Variants in SASS6 observed in about 807,000 individuals in gnomAD.
The protein encoded by SASS6 is spindle assembly abnormal protein 6 homolog.
SASS6 carries 59 observed loss-of-function variants against 94.9 expected under a neutral mutation model. The ratio of observed to expected loss-of-function variants is 0.62; its 90% CI spans 0.50 to 0.77. SASS6 has a LOEUF of 0.77. SASS6 is among the 30% of genes least tolerant of loss of function. SASS6 has a pLI of 0.00. For missense variants in SASS6, 698 were observed against 734.1 expected, an observed-to-expected ratio of 0.95 and a Z score of 0.57; for synonymous variants, 264 against 270.0, an observed-to-expected ratio of 0.98 and a Z score of 0.22.
intron 7 of SASS6, among the ~76,000 whole-genome samples, chr1:100,113,891 G>C (rs980416481): frequency 6.6e-6 from 1 of 151,800 alleles, no homozygotes; most frequent in Admixed American, 6.6e-5. Context: ...ACATACAATG[G>C]CACACACCAG....
At chr1:100,091,693 G>C (rs1289946808) in intron 14 of SASS6, among the ~76,000 whole-genome samples, 2 of 144,894 alleles carry the variant, frequency 1.4e-5, no homozygotes, top group African/African-American at 5.1e-5. Context: ...AAAAACCGCT[G>C]AATGGGCTTG....
rs1480547428 is a variant in SASS6 at position 100,119,195 on chromosome 1, G to T, written c.550-58C>A. On this transcript the variant is annotated intron_variant, in intron 6 of 16. Coordinates refer to ENST00000287482, the MANE Select transcript of SASS6 (RefSeq NM_194292.3). The stretch of plus-strand genomic sequence containing the variant: ...AGGCTCCTTAATATGTAATAATTTT[G>T]ATTAGAATATAGCAATATTTACAAG... 1.4e-5 allele frequency: 13 copies of T among 952,390 alleles called. No homozygotes were observed. In the East Asian group the frequency reaches 3.7e-4, roughly 27 times the overall value. 59.0% of individuals were successfully genotyped at this position (952,390 alleles called of 1,614,324 possible).
rs777476715 is a variant in SASS6, at chr1:100,120,364, C to T, written c.549+30G>A. 3.4e-6 allele frequency: 4 copies of T among 1,192,448 alleles called. No individual in the cohort carries two copies. In the East Asian group the frequency reaches 7.0e-5, roughly 21 times the overall value. 73.9% of individuals were successfully genotyped at this position (1,192,448 alleles called of 1,614,324 possible). ...CAATTCAGTGCCAATGTCTGGATGACTTACAAAGACAAAATGAAATTTGAA... is the reference window on the plus strand; with the variant it reads ...CAATTCAGTGCCAATGTCTGGATGATTTACAAAGACAAAATGAAATTTGAA... On this transcript the variant is annotated intron_variant, in intron 6 of 16. Transcript: ENST00000287482.
At chr1:100,131,430 G>A (rs934271548) in intron 1 of SASS6, among the ~76,000 whole-genome samples, 2 of 152,038 alleles carry the variant, frequency 1.3e-5, no homozygotes, top group African/African-American at 4.8e-5. Context: ...ATAATACATT[G>A]TATTTAACCC....
rs917616147 is a variant in SASS6, at chr1:100,084,269, C to T, written c.*1059G>A. ...AGTTGAAAATAATTTTAAATTATCA[C>T]ATGAGCATTAGTACTTTATAAAAAT... On this transcript the variant is annotated 3_prime_UTR_variant, in exon 17 of 17. Coordinates refer to ENST00000287482, the MANE Select transcript of SASS6 (RefSeq NM_194292.3). The T allele has an allele frequency of 6.6e-6, 1 of 151,924 alleles. No homozygotes were observed. Among genetic ancestry groups the T allele is most frequent in the African/African-American group, 2.4e-5 (1 of 41,398 alleles). 9.4% of individuals were successfully genotyped at this position (151,924 alleles called of 1,614,324 possible).
chr1:100,125,369 T>G (rs1441505177), intron 2 of SASS6, among the ~76,000 whole-genome samples: 1 of 151,250 alleles, frequency 6.6e-6, no homozygotes, highest in Non-Finnish European at 1.5e-5. Context: ...CCCACAATTT[T>G]TCACGTATGT....
At chr1:100,112,098 A>G (rs889705352) in intron 7 of SASS6, among the ~76,000 whole-genome samples, 13 of 70,390 alleles carry the variant, frequency 1.8e-4, no homozygotes, top group African/African-American at 4.0e-4. Flanking sequence ...ATTCTGGAGG[A>G]AAAAAAATAA....
Position 100,109,826 on chromosome 1 carries a change from T to C in SASS6, c.861+466A>G, listed in dbSNP as rs148244908. Among the ~76,000 whole-genome samples, 146 of 152,146 alleles carry C rather than the reference T, an allele frequency of 9.6e-4. 1 individual carries two copies. The East Asian group carries it at 0.024, about 25-fold the overall frequency. ...TGTAACAATAAAATGAGTTAATATA[T>C]GTAAAGCACTTCAAACAGTACCTAT... On this transcript the variant is annotated intron_variant, in intron 8 of 16. Transcript: ENST00000287482.
Position 100,108,947 on chromosome 1 carries a change from G to T in SASS6, c.862-943C>A, listed in dbSNP as rs1327366226. On this transcript the variant is annotated intron_variant, in intron 8 of 16. Coordinates refer to ENST00000287482, the MANE Select transcript of SASS6 (RefSeq NM_194292.3). ...TTTAGGACACTAATGCCTAAAAATTGTTACTTAAAATAGGTAACTGAATAC... is the reference window on the plus strand; with the variant it reads ...TTTAGGACACTAATGCCTAAAAATTTTTACTTAAAATAGGTAACTGAATAC... 2.0e-5 allele frequency among the ~76,000 whole-genome samples: 3 copies of T among 151,814 alleles called. No homozygotes were observed. In the East Asian group the frequency reaches 5.8e-4, roughly 29 times the overall value.
At chr1:100,103,159 G>C in intron 13 of SASS6, 76 bp from the exon 14 acceptor site, 1 of 908,548 alleles carries the variant, frequency 1.1e-6, no homozygotes, top group Non-Finnish European at 1.7e-6. Context: ...GGTGGCATTA[G>C]CATCTGTTAT....
intron 7 of SASS6, among the ~76,000 whole-genome samples, chr1:100,116,807 A>T (rs749681977): frequency 2.6e-5 from 4 of 152,192 alleles, no homozygotes; most frequent in Non-Finnish European, 5.9e-5. Context: ...ATGATGATGT[A>T]AGTCAGAAGT....
chr1:100,085,466 A>C (rs745639481), intron 16 of SASS6, 32 bp from the exon 17 acceptor site: 12 of 1,561,042 alleles, frequency 7.7e-6, no homozygotes, highest in African/African-American at 1.4e-5. Context: ...GGTTACTGGT[A>C]TTCATTAAGT....
chr1:100,125,583 G>A (rs1429385917), intron 2 of SASS6, among the ~76,000 whole-genome samples: 2 of 150,238 alleles, frequency 1.3e-5, no homozygotes, highest in Non-Finnish European at 3.0e-5. Context: ...GGAGGCTGAG[G>A]CAGGAGAATT....
intron 13 of SASS6, among the ~76,000 whole-genome samples, chr1:100,104,075 G>C (rs1652699625): frequency 6.6e-6 from 1 of 152,128 alleles, no homozygotes; most frequent in South Asian, 2.1e-4. Flanking sequence ...GAAGCTACTG[G>C]GAAATGGGGA....
At chr1:100,112,488 G>A (rs974384905) in intron 7 of SASS6, among the ~76,000 whole-genome samples, 5 of 151,864 alleles carry the variant, frequency 3.3e-5, no homozygotes, top group African/African-American at 1.2e-4. Flanking sequence ...TTAAATGGAG[G>A]TATAAAGAAA....
chr1:100,101,112 A>G (rs186647281), intron 14 of SASS6, among the ~76,000 whole-genome samples: 1 of 152,332 alleles, frequency 6.6e-6, no homozygotes, highest in East Asian at 1.9e-4. Flanking sequence ...ACTCCATTTT[A>G]TAAGTGGGAA....
intron 15 of SASS6, among the ~76,000 whole-genome samples, chr1:100,086,173 C>T (rs547301049): frequency 1.3e-5 from 2 of 151,908 alleles, no homozygotes; most frequent in Admixed American, 6.6e-5. Context: ...TTTCTAAATA[C>T]ATCCAGTGTT....
intron 7 of SASS6, among the ~76,000 whole-genome samples, chr1:100,113,394 G>A (rs1653527902): frequency 1.3e-5 from 2 of 151,996 alleles, no homozygotes; most frequent in Non-Finnish European, 2.9e-5. Flanking sequence ...GGATCACGAG[G>A]TCAGGAGATC....
At chr1:100,097,058 T>C (rs577187423) in intron 14 of SASS6, among the ~76,000 whole-genome samples, 2 of 152,280 alleles carry the variant, frequency 1.3e-5, no homozygotes, top group East Asian at 3.9e-4. Flanking sequence ...GAGGTTGTAG[T>C]GAGCTGAGAT....
Sources: allele counts gnomAD v4.1 joint callset (sites outside exome capture counted in the v4.1 genomes callset), GRCh38; gene constraint gnomAD v4.1.1; transcripts MANE v1.5; gene names NCBI Gene and HGNC (gene_info 2026-07-23, HGNC 2026-07-21).